HAL: variants seen among roughly 807,000 people sequenced by gnomAD.
HAL encodes the protein histidine ammonia-lyase.
Under a neutral mutation model 81.1 loss-of-function variants are expected in HAL, and 85 were observed. That is an observed-to-expected ratio of 1.05 (90% CI 0.88 to 1.25). The LOEUF (loss-of-function observed/expected upper bound fraction) is 1.25, where lower values mean the gene tolerates loss of function less well. Among genes scored for constraint, HAL ranks in the 50% most tolerant of loss-of-function variants. The probability of loss-of-function intolerance (pLI) is 0.00; values close to 1 mark genes in which losing one functional copy is unlikely to be tolerated. For missense variants in HAL, 798 were observed against 836.6 expected (o/e 0.95, Z 0.57); for synonymous variants, 301 against 309.2 (o/e 0.97, Z 0.28).
chr12:95,992,518 T>C (rs1311515213), intron 9 of HAL, among the ~76,000 whole-genome samples, 162 bp downstream of exon 9: 2 of 152,226 alleles, frequency 1.3e-5, no homozygotes, highest in African/African-American at 4.8e-5. Flanking sequence ...CTTTCTCCTC[T>C]TCCCCCATCT....
chr12:95,983,853 T>A, intron 15 of HAL, 58 bp downstream of exon 15: 1 of 889,424 alleles, frequency 1.1e-6, no homozygotes, highest in Non-Finnish European at 1.9e-6. Context: ...TTTCAGTAGA[T>A]CCTAAAATTA....
intron 20 of HAL, 36 bp downstream of exon 20, chr12:95,976,393 T>A (rs1209421891): frequency 3.9e-6 from 6 of 1,551,094 alleles, no homozygotes; most frequent in Non-Finnish European, 4.5e-6. Flanking sequence ...CCTGTAACAA[T>A]TAAAAATTAA....
Position 95,990,415 on chromosome 12 carries a change from C to T in HAL, c.833G>A (p.Ser278Asn). 6.2e-7 allele frequency: 1 copy of T among 1,613,702 alleles called. No individual in the cohort carries two copies. The highest frequency in any genetic ancestry group is 8.5e-7 in the Non-Finnish European group (1 of 1,179,588). The stretch of plus-strand genomic sequence containing the variant: ...TACGTATTTAGCATCAGCCCAGCCA[C>T]TCTTCGGAGACCACATCTTCCCTTC... ...VGEGKMWSPK[S>N]GWADAKYVLE... The change falls in exon 10 of 21, where the codon AGT (serine) becomes AAT (asparagine). Residue 278 changes from serine to asparagine, a missense_variant. By Grantham distance (46) the Ser-to-Asn change is conservative (BLOSUM62 1). Transcript: ENST00000261208.
Position 95,994,811 on chromosome 12 carries a change from C to T in HAL, c.323G>A (p.Arg108Gln), listed in dbSNP as rs567780663. Residue 108 changes from arginine to glutamine, a missense_variant, in exon 4 of 21, where the codon CGG becomes CAG. Coordinates refer to ENST00000261208, the MANE Select transcript of HAL (RefSeq NM_002108.4). ...TTTGAAGCTTACCTTTTCAGGCTCC[C>T]GGTACTTGCTGTATCTGTATCCAGG... Reference protein sequence around the residue: ...PEGVYLYSKYREPEKYIELDG... With the variant: ...PEGVYLYSKYQEPEKYIELDG... 177 of 1,613,988 alleles carry T rather than the reference C, an allele frequency of 1.1e-4. 2 individuals carry two copies. In the South Asian group the frequency reaches 1.8e-3, roughly 17 times the overall value.
rs1291963896 is a variant in HAL, at chr12:95,980,729, A to T, written c.1354-8T>A. The T allele has an allele frequency of 6.2e-7, 1 of 1,612,938 alleles. No individual in the cohort carries two copies. Among genetic ancestry groups the T allele is most frequent in the African/African-American group, 1.3e-5 (1 of 74,902 alleles). On this transcript the variant is annotated splice_polypyrimidine_tract_variant and splice_region_variant and intron_variant, in intron 16 of 20. Coordinates refer to ENST00000261208, the MANE Select transcript of HAL (RefSeq NM_002108.4). Reference sequence around the variant, plus strand: ...GGCCAAGTAGTCTAGGGCCTGAAAGAGGGTCTCCATTTAGTCAGCCTATAT... The same window carrying T: ...GGCCAAGTAGTCTAGGGCCTGAAAGTGGGTCTCCATTTAGTCAGCCTATAT...
At position 95,993,952 on chromosome 12, in the gene HAL, A is replaced by G. The variant is rs1278924878; in HGVS notation, c.458T>C (p.Ile153Thr). The change falls in exon 6 of 21, where the codon ATA (isoleucine) becomes ACA (threonine). Residue 153 changes from isoleucine (I) to threonine (T), a missense_variant. Ile to Thr is a moderately conservative substitution (Grantham distance 89). Transcript: ENST00000261208. The part of the protein sequence containing the change: ...EKRVQKSREV[I>T]DSIIKEKTVV... ...TGTTTTCTCTTTTATGATGCTATCT[A>G]TGACCTCCCTGGATTTCTGCACCCT... is the stretch of plus-strand genomic sequence containing the variant. 6.2e-7 allele frequency: 1 copy of G among 1,608,108 alleles called. No individual in the cohort carries two copies. Among genetic ancestry groups the G allele is most frequent in the Non-Finnish European group, 8.5e-7 (1 of 1,174,584 alleles).
At position 95,988,193 on chromosome 12, in the gene HAL, C is replaced by T. The variant is rs1266939811; in HGVS notation, c.903G>A (p.Glu301=). 15 of 1,452,638 alleles carry T rather than the reference C, an allele frequency of 1.0e-5. No homozygotes were observed. The highest frequency in any genetic ancestry group is 1.7e-5 in the Admixed American group (1 of 59,762). The allele number at this position is 1,452,638 out of a possible 1,614,324, so 90.0% of individuals were successfully genotyped here. The part of the protein sequence containing the change: ...GLKPVILKPK[E]GLALINGTQM... ...ACATATTTTTCTTGAGTTTCCTTAC[C>T]TCTTTTGGTTTTAAAATAACTGGTT... The change falls in exon 11 of 21, where the codon GAG becomes GAA. Residue 301 remains glutamate, a splice_region_variant and synonymous_variant. Transcript: ENST00000261208.
intron 15 of HAL, among the ~76,000 whole-genome samples, chr12:95,982,601 G>A (rs1410286113): frequency 6.6e-6 from 1 of 152,136 alleles, no homozygotes; most frequent in Non-Finnish European, 1.5e-5. Context: ...CACAATTTCT[G>A]AGGCTTATTT....
rs751862187 is a variant in HAL, at chr12:95,976,754, T to G, written c.1655-48A>C. ...GGTAGCTTATGAAAGTCTGACTTCATGCTTAAGGAATGTGGATTTCCCAAA... is the reference window on the plus strand; with the variant it reads ...GGTAGCTTATGAAAGTCTGACTTCAGGCTTAAGGAATGTGGATTTCCCAAA... On this transcript the variant is annotated intron_variant, in intron 18 of 20. Coordinates refer to ENST00000261208, the MANE Select transcript of HAL (RefSeq NM_002108.4). 17 of 1,210,404 alleles carry G rather than the reference T, an allele frequency of 1.4e-5. No individual in the cohort carries two copies. The South Asian group carries it at 2.1e-4, about 15-fold the overall frequency. 75.0% of individuals were successfully genotyped at this position (1,210,404 alleles called of 1,614,324 possible).
chr12:95,973,954 A>G lies in HAL; in HGVS notation c.*278T>C. 3 of 425,202 alleles carry G rather than the reference A, an allele frequency of 7.1e-6. No individual in the cohort carries two copies. Among genetic ancestry groups the G allele is most frequent in the Non-Finnish European group, 1.3e-5 (3 of 236,134 alleles). 26.3% of individuals were successfully genotyped at this position (425,202 alleles called of 1,614,324 possible). On this transcript the variant is annotated 3_prime_UTR_variant, in exon 21 of 21. Transcript: ENST00000261208. ...ACATACAATTGTGGTTATTCTTCTCACCCTTAAGAGTGAGTGGCCTGTTGA... is the reference window on the plus strand; with the variant it reads ...ACATACAATTGTGGTTATTCTTCTCGCCCTTAAGAGTGAGTGGCCTGTTGA...
In HAL at chr12:95,973,333, C is replaced by T. The variant is rs2080676035; in HGVS notation, c.*899G>A. Reference sequence around the variant, plus strand: ...AAAAAAATAGATGCAGTAATACACTCTAGGGCTCCATCTGACCTTTATCAA... The same window carrying T: ...AAAAAAATAGATGCAGTAATACACTTTAGGGCTCCATCTGACCTTTATCAA... On this transcript the variant is annotated 3_prime_UTR_variant, in exon 21 of 21. Transcript: ENST00000261208. The T allele has an allele frequency of 6.6e-6, 1 of 152,200 alleles. No homozygotes were observed. Among genetic ancestry groups the T allele is most frequent in the East Asian group, 1.9e-4 (1 of 5,192 alleles). The allele number at this position is 152,200 out of a possible 1,614,324, so 9.4% of individuals were successfully genotyped here.
At chr12:95,985,301 A>C (rs956406681) in intron 14 of HAL, among the ~76,000 whole-genome samples, 4 of 152,182 alleles carry the variant, frequency 2.6e-5, no homozygotes, top group Non-Finnish European at 5.9e-5. Context: ...AATCAACATA[A>C]GAGGTTGTCT....
In HAL at chr12:95,995,810, C is replaced by T. The variant is rs1421309560; in HGVS notation, c.101G>A (p.Arg34His). The T allele has an allele frequency of 1.2e-6, 2 of 1,612,840 alleles. No individual in the cohort carries two copies. The highest frequency in any genetic ancestry group is 8.5e-7 in the Non-Finnish European group (1 of 1,180,006). The change falls in exon 2 of 21, where the codon CGC (arginine) becomes CAC (histidine). Residue 34 changes from arginine (R) to histidine (H), a missense_variant. By Grantham distance (29) the Arg-to-His change is conservative (BLOSUM62 0). Coordinates refer to ENST00000261208, the MANE Select transcript of HAL (RefSeq NM_002108.4). ...ATTGTCGGGCTTATTCTTGATATAG[C>T]GCCTCACGGCCTCCCGGCCCAGCCA... ...VGWLGREAVR[R>H]YIKNKPDNGG...
At chr12:95,994,583 T>G (rs1200300810) in intron 4 of HAL, among the ~76,000 whole-genome samples, 1 of 152,084 alleles carries the variant, frequency 6.6e-6, no homozygotes, top group African/African-American at 2.4e-5. Context: ...AGAGATGGGG[T>G]TTCACCATGT....
At chr12:95,985,872 A>C in intron 14 of HAL, 36 bp downstream of exon 14, 1 of 1,467,660 alleles carries the variant, frequency 6.8e-7, no homozygotes, top group Non-Finnish European at 9.4e-7. Context: ...CTTTATTGGC[A>C]TTTTTTATTG....
intron 10 of HAL, among the ~76,000 whole-genome samples, chr12:95,988,737 G>C (rs1005358419): frequency 2.0e-5 from 3 of 152,130 alleles, no homozygotes; most frequent in Non-Finnish European, 2.9e-5. Flanking sequence ...GCACATGTGT[G>C]AGCACCAATG....
At chr12:95,976,344 T>C in intron 20 of HAL, 85 bp downstream of exon 20, 1 of 1,070,654 alleles carries the variant, frequency 9.3e-7, no homozygotes, top group Non-Finnish European at 1.5e-6. Flanking sequence ...CAGAAAACAA[T>C]AGAATAAGGC....
chr12:95,983,136 C>T (rs2080813288), intron 15 of HAL, among the ~76,000 whole-genome samples: 1 of 152,160 alleles, frequency 6.6e-6, no homozygotes, highest in Admixed American at 6.5e-5. Flanking sequence ...ACCTGTAATC[C>T]CGGCACTTTG....
At chr12:95,977,863 G>T in intron 18 of HAL, 81 bp downstream of exon 18, 1 of 1,432,764 alleles carries the variant, frequency 7.0e-7, no homozygotes. Flanking sequence ...TGCTGATGTT[G>T]CTGGTGGGAG....
Sources: allele counts gnomAD v4.1 joint callset (sites outside exome capture counted in the v4.1 genomes callset), GRCh38; gene constraint gnomAD v4.1.1; transcripts MANE v1.5; gene names NCBI Gene and HGNC (gene_info 2026-07-23, HGNC 2026-07-21).